The following CNTN5 variants were observed in gnomAD, a reference collection of about 807,000 sequenced individuals.
CNTN5 encodes contactin-5.
Under a neutral mutation model 129.1 loss-of-function variants are expected in CNTN5, and 77 were observed. The observed-to-expected ratio is 0.60, with a 90% CI of 0.50 to 0.72. CNTN5 has a LOEUF of 0.72. Among genes scored for constraint, CNTN5 ranks in the 30% least tolerant of loss-of-function variants. CNTN5 has a pLI of 0.00. For synonymous variants in CNTN5, 509 were observed against 465.6 expected, an observed-to-expected ratio of 1.09 and a Z score of -1.20; for missense variants, 1,478 against 1,328.8, an observed-to-expected ratio of 1.11 and a Z score of -1.75.
chr11:99,866,417 T>G (rs1948358777), intron 6 of CNTN5, among the ~76,000 whole-genome samples: 1 of 152,210 alleles, frequency 6.6e-6, no homozygotes, highest in African/African-American at 2.4e-5. Context: ...TTATATATTT[T>G]AATTTGCAAT....
chr11:99,489,661 G>C (rs929383489), intron 2 of CNTN5, among the ~76,000 whole-genome samples: 1 of 152,156 alleles, frequency 6.6e-6, no homozygotes, highest in African/African-American at 2.4e-5. Flanking sequence ...ATATGACTAA[G>C]GTAATATTTA....
intron 3 of CNTN5, among the ~76,000 whole-genome samples, chr11:99,689,530 G>GA (rs368912453): frequency 0.24 from 22,658 of 92,774 alleles, 3,050 homozygotes; most frequent in South Asian, 0.36. Context: ...CCTCAAAAAA[G>GA]AAAAAAAAAA....
chr11:99,079,082 T>C lies in CNTN5; in HGVS notation c.-210+57812T>C, dbSNP rs116883731. Reference sequence around the variant, plus strand: ...CTTTAAATATATATACCCATCTACCTATAAAAATTAACAAAATACAATAAC... The same window carrying C: ...CTTTAAATATATATACCCATCTACCCATAAAAATTAACAAAATACAATAAC... On this transcript the variant is annotated intron_variant, in intron 1 of 24. Coordinates refer to ENST00000524871, the MANE Select transcript of CNTN5 (RefSeq NM_014361.4). Among the ~76,000 whole-genome samples, 311 of 152,268 alleles carry C rather than the reference T, an allele frequency of 2.0e-3. 8 individuals are homozygous for C. Among genetic ancestry groups the C allele is most frequent in the Admixed American group, 0.017 (256 of 15,282 alleles).
At chr11:100,289,250 C>A (rs1950886271) in intron 18 of CNTN5, among the ~76,000 whole-genome samples, 1 of 152,136 alleles carries the variant, frequency 6.6e-6, no homozygotes, top group African/African-American at 2.4e-5. Context: ...TCCTCCCTAA[C>A]TCATTTTATG....
intron 1 of CNTN5, among the ~76,000 whole-genome samples, chr11:99,204,919 G>A (rs1859399301): frequency 6.6e-6 from 1 of 152,140 alleles, no homozygotes; most frequent in East Asian, 1.9e-4. Flanking sequence ...TTCTAAGCTT[G>A]ATTGACATTC....
chr11:99,830,115 C>CT (rs1261747796), intron 4 of CNTN5, among the ~76,000 whole-genome samples: 5 of 151,984 alleles, frequency 3.3e-5, no homozygotes, highest in African/African-American at 1.2e-4. Context: ...ATAGGTCAAA[C>CT]TTTTTTCGGG....
chr11:99,412,082 AATTAT>A (rs1384550894), intron 2 of CNTN5, among the ~76,000 whole-genome samples: 3 of 152,296 alleles, frequency 2.0e-5, no homozygotes, highest in Admixed American at 6.5e-5. Context: ...AATTATCTCA[AATTAT>A]ATTGTATTAA....
At chr11:99,223,966 T>G (rs1469883669) in intron 1 of CNTN5, among the ~76,000 whole-genome samples, 1 of 152,156 alleles carries the variant, frequency 6.6e-6, no homozygotes, top group Non-Finnish European at 1.5e-5. Flanking sequence ...TTGTGGTCCA[T>G]ATAAATGTTT....
chr11:99,066,736 T>C (rs1189360974), intron 1 of CNTN5, among the ~76,000 whole-genome samples: 2 of 152,108 alleles, frequency 1.3e-5, no homozygotes, highest in East Asian at 3.9e-4. Context: ...AGCTCTTACA[T>C]TGTGAAATCC....
chr11:100,042,174 A>G (rs1276287859), intron 9 of CNTN5, among the ~76,000 whole-genome samples: 1 of 151,402 alleles, frequency 6.6e-6, no homozygotes, highest in African/African-American at 2.4e-5. Flanking sequence ...GTTTTTGTGT[A>G]TTATGTAGAT....
chr11:99,755,301 CTG>C (rs1161584949), intron 3 of CNTN5, among the ~76,000 whole-genome samples: 1 of 152,268 alleles, frequency 6.6e-6, no homozygotes, highest in Admixed American at 6.5e-5. Flanking sequence ...AATTGACAGA[CTG>C]TCTTCCAAAG....
At chr11:99,402,599 T>C (rs1941870188) in intron 2 of CNTN5, among the ~76,000 whole-genome samples, 1 of 152,206 alleles carries the variant, frequency 6.6e-6, no homozygotes, top group Non-Finnish European at 1.5e-5. Flanking sequence ...TAGAATACTT[T>C]TGAAGCATTC....
At chr11:100,162,042 C>T (rs1947473280) in intron 13 of CNTN5, among the ~76,000 whole-genome samples, 1 of 151,586 alleles carries the variant, frequency 6.6e-6, no homozygotes, top group South Asian at 2.1e-4. Flanking sequence ...AGGAGACAGC[C>T]ATTCATTCGT....
chr11:99,911,188 A>C (rs541757604), intron 6 of CNTN5, among the ~76,000 whole-genome samples: 4 of 152,136 alleles, frequency 2.6e-5, no homozygotes, highest in African/African-American at 9.6e-5. Context: ...TCAAAATCTC[A>C]ATTTTATAAA....
chr11:100,346,509 G>A (rs1336524417), intron 23 of CNTN5, among the ~76,000 whole-genome samples: 1 of 152,088 alleles, frequency 6.6e-6, no homozygotes, highest in Non-Finnish European at 1.5e-5. Context: ...TTCAGCAAAT[G>A]TCCCCTTCCC....
At chr11:99,389,149 C>G (rs1314216567) in intron 2 of CNTN5, among the ~76,000 whole-genome samples, 1 of 151,972 alleles carries the variant, frequency 6.6e-6, no homozygotes, top group African/African-American at 2.4e-5. Flanking sequence ...CCTCCCCCAG[C>G]CTCCCAAGTA....
chr11:99,331,306 TA>T, intron 2 of CNTN5, among the ~76,000 whole-genome samples: 1 of 152,216 alleles, frequency 6.6e-6, no homozygotes, highest in East Asian at 1.9e-4. Context: ...ATTGTGCTAG[TA>T]AAATATATTA....
At chr11:100,148,772 A>G (rs1946944683) in intron 13 of CNTN5, among the ~76,000 whole-genome samples, 1 of 152,208 alleles carries the variant, frequency 6.6e-6, no homozygotes, top group Admixed American at 6.5e-5. Flanking sequence ...TGTAACATAT[A>G]GGGAGTAGTC....
chr11:99,753,138 T>A (rs1312926565), intron 3 of CNTN5, among the ~76,000 whole-genome samples: 2 of 147,952 alleles, frequency 1.4e-5, no homozygotes, highest in Non-Finnish European at 3.0e-5. Flanking sequence ...TTTTTTTTTT[T>A]TTGAGATGGA....
Sources: allele counts gnomAD v4.1 joint callset (sites outside exome capture counted in the v4.1 genomes callset), GRCh38; gene constraint gnomAD v4.1.1; transcripts MANE v1.5; gene names NCBI Gene and HGNC (gene_info 2026-07-23, HGNC 2026-07-21).